Variants in AKNA observed in about 807,000 individuals in gnomAD.
AKNA encodes the protein AT-hook transcription factor.
Under a neutral mutation model 138.8 loss-of-function variants are expected in AKNA, and 67 were observed. The observed-to-expected ratio is 0.48, with a 90% CI of 0.40 to 0.59. The LOEUF is 0.59. Ranked by LOEUF, AKNA falls within the 20% of genes least tolerant of loss-of-function variation. The pLI is 0.00. For missense variants in AKNA, 1,813 were observed against 1,880.4 expected (o/e 0.96, Z 0.66); for synonymous variants, 737 against 754.4 (o/e 0.98, Z 0.38).
intron 9 of AKNA, 77 bp from the exon 10 acceptor site, chr9:114,360,139 G>A: frequency 6.3e-7 from 1 of 1,588,700 alleles, no homozygotes; most frequent in South Asian, 1.1e-5. Flanking sequence ...CTCCTGCCAG[G>A]CTCGAGCTGT....
chr9:114,362,578 C>A (rs774250233), intron 7 of AKNA, 45 bp from the exon 8 acceptor site: 8 of 1,592,394 alleles, frequency 5.0e-6, no homozygotes, highest in Non-Finnish European at 6.0e-6. Context: ...TCAGTCCCCG[C>A]GGGGCCTGTC....
At chr9:114,368,724 C>T in intron 4 of AKNA, 129 bp from the exon 5 acceptor site, 1 of 805,526 alleles carries the variant, frequency 1.2e-6, no homozygotes, top group Non-Finnish European at 1.7e-6. Flanking sequence ...CAGTGCAGCC[C>T]TTGGCTAGGC....
At chr9:114,361,035 G>T (rs1399746624) in intron 9 of AKNA, among the ~76,000 whole-genome samples, 1 of 152,034 alleles carries the variant, frequency 6.6e-6, no homozygotes, top group Non-Finnish European at 1.5e-5. Flanking sequence ...GTCCACACAT[G>T]CTTCTCCATT....
At chr9:114,348,828 G>A (rs2131834683) in intron 15 of AKNA, 1 of 455,586 alleles carries the variant, frequency 2.2e-6, no homozygotes, top group Non-Finnish European at 4.4e-6. Context: ...GCGGATGCAG[G>A]CTCCACATCT....
At chr9:114,394,634 G>C (rs1264268105), upstream of AKNA, among the ~76,000 whole-genome samples, 2 of 152,244 alleles carry the variant, frequency 1.3e-5, no homozygotes, top group Non-Finnish European at 2.9e-5. Flanking sequence ...TGCATTTGGA[G>C]GCATGGCATG....
Position 114,381,392 on chromosome 9 carries a change from A to G in AKNA, c.-59T>C. ...ATCTTCAGGAGACAGAGCTGCTGCC[A>G]GGGGCCCCAGAGTCACCGCTGGTTC... On this transcript the variant is annotated 5_prime_UTR_variant, in exon 2 of 22. Coordinates refer to ENST00000374088, the MANE Select transcript of AKNA (RefSeq NM_001317950.2). 6.8e-7 allele frequency: 1 copy of G among 1,467,828 alleles called. No individual in the cohort carries two copies. Among genetic ancestry groups the G allele is most frequent in the Non-Finnish European group, 9.0e-7 (1 of 1,113,148 alleles). The allele number at this position is 1,467,828 out of a possible 1,614,324, so 90.9% of individuals were successfully genotyped here. A position where few individuals can be genotyped will look rare whatever the true frequency, so the allele number is the denominator to read the frequency against.
Position 114,358,113 on chromosome 9 carries a change from C to T in AKNA, c.2547G>A (p.Leu849=). ...GGCCTGACATGTGCCCGTCTCTAGC[C>T]AGGGATGCCTGGAAACCTGGTGGCT... The part of the protein sequence containing the change: ...SMKPPGFQAS[L]ARDGHMSGLG... Residue 849 remains leucine (L), a synonymous_variant, in exon 12 of 22, where the codon CTG becomes CTA. Transcript: ENST00000374088. 6.2e-7 allele frequency: 1 copy of T among 1,614,202 alleles called. No individual in the cohort carries two copies. Among genetic ancestry groups the T allele is most frequent in the Non-Finnish European group, 8.5e-7 (1 of 1,180,020 alleles).
At position 114,350,856 on chromosome 9, in the gene AKNA, T is replaced by C; in HGVS notation, c.3221+3A>G. The C allele has an allele frequency of 4.5e-6, 7 of 1,545,574 alleles. No individual in the cohort carries two copies. The highest frequency in any genetic ancestry group is 6.1e-6 in the Non-Finnish European group (7 of 1,147,216). ...ATCCCCAGGATCCAAGTGTCTAACT[T>C]ACTCTCGCCCTGCCCTGGTGAGCAG... On this transcript the variant is annotated splice_donor_region_variant and intron_variant, in intron 15 of 21. Coordinates refer to ENST00000374088, the MANE Select transcript of AKNA (RefSeq NM_001317950.2).
At chr9:114,387,224 T>C (rs190957759) in intron 1 of AKNA, among the ~76,000 whole-genome samples, 2 of 152,024 alleles carry the variant, frequency 1.3e-5, no homozygotes, top group African/African-American at 4.8e-5. Flanking sequence ...TCTCAAGGGG[T>C]TCCCACCAGC....
chr9:114,361,860 C>T lies in AKNA; in HGVS notation c.1968G>A (p.Lys656=), dbSNP rs1271408238. 2 of 1,609,760 alleles carry T rather than the reference C, an allele frequency of 1.2e-6. No homozygotes were observed. Among genetic ancestry groups the T allele is most frequent in the Non-Finnish European group, 1.7e-6 (2 of 1,180,004 alleles). Residue 656 remains lysine (K), a synonymous_variant, in exon 9 of 22, where the codon AAG becomes AAA. Coordinates refer to ENST00000374088, the MANE Select transcript of AKNA (RefSeq NM_001317950.2). ...YRLGSCLEEL[K]EHIDQTQQEP... is the part of the protein sequence containing the mutation. ...CTTGCTGGGTCTGGTCTATGTGTTC[C>T]TTCAGCTCTTCCAGGCAGCTTCCCA... is the stretch of plus-strand genomic sequence containing the variant.
chr9:114,330,888 G>C, downstream of AKNA: 3 of 1,599,140 alleles, frequency 1.9e-6, no homozygotes, highest in Non-Finnish European at 2.6e-6. Flanking sequence ...CAGGCAGGAG[G>C]GTTCACCGTG....
intron 16 of AKNA, 59 bp downstream of exon 16, chr9:114,347,665 C>T: frequency 2.8e-6 from 4 of 1,452,840 alleles, no homozygotes; most frequent in Non-Finnish European, 3.6e-6. Flanking sequence ...CAGAGGCCAG[C>T]CAAGACTATC....
upstream of AKNA, chr9:114,394,449 C>T (rs755129811): frequency 6.6e-6 from 1 of 152,282 alleles, no homozygotes; most frequent in South Asian, 2.1e-4. Flanking sequence ...TCTTTGAGGC[C>T]CTTTACAGCT....
upstream of AKNA, among the ~76,000 whole-genome samples, chr9:114,391,903 C>T (rs1413029612): frequency 6.9e-6 from 1 of 145,946 alleles, no homozygotes; most frequent in East Asian, 2.0e-4. Context: ...CAAAAAAAAC[C>T]TCTTACTCCT....
chr9:114,330,892 C>T, downstream of AKNA: 6 of 1,594,964 alleles, frequency 3.8e-6, no homozygotes, highest in South Asian at 5.5e-5. Flanking sequence ...CAGGAGGGTT[C>T]ACCGTGGGAA....
At chr9:114,355,437 A>G (rs1831426588) in intron 14 of AKNA, among the ~76,000 whole-genome samples, 1 of 152,174 alleles carries the variant, frequency 6.6e-6, no homozygotes, top group Non-Finnish European at 1.5e-5. Context: ...TCGGCCTCCC[A>G]AAGTGCTGGG....
chr9:114,366,954 C>T (rs1832408060), intron 6 of AKNA, among the ~76,000 whole-genome samples: 1 of 152,146 alleles, frequency 6.6e-6, no homozygotes, highest in Admixed American at 6.5e-5. Flanking sequence ...TCTACCCTTA[C>T]TTCCTCTCTG....
In AKNA at chr9:114,368,464, C is replaced by T; in HGVS notation, c.1548G>A (p.Glu516=). 1 of 1,331,508 alleles carries T rather than the reference C, an allele frequency of 7.5e-7. No homozygotes were observed. Among genetic ancestry groups the T allele is most frequent in the Non-Finnish European group, 9.7e-7 (1 of 1,031,054 alleles). The allele number at this position is 1,331,508 out of a possible 1,614,324, so 82.5% of individuals were successfully genotyped here. Residue 516 remains glutamate, a synonymous_variant, in exon 5 of 22, where the codon GAG becomes GAA. Coordinates refer to ENST00000374088, the MANE Select transcript of AKNA (RefSeq NM_001317950.2). The stretch of plus-strand genomic sequence containing the variant: ...CTGAGGCCGCAGAGGCCTGGGGGTC[C>T]TCGGCCGGGCCCGGCCACCACTCTG... ...RSAEWWPGPA[E]DPQASAASGW...
rs1833256701 is a variant in AKNA, at chr9:114,376,856, G to A, written c.951C>T (p.Pro317=). The A allele has an allele frequency of 6.2e-7, 1 of 1,614,128 alleles. No homozygotes were observed. Residue 317 remains proline (P), a synonymous_variant, in exon 3 of 22, where the codon CCC becomes CCT. Transcript: ENST00000374088. Reference sequence around the variant, plus strand: ...GCGTTGGCCTGGGCTGGGGATTCAGGGGGCTGATGGAGCCAATGAATCGGG... The same window carrying A: ...GCGTTGGCCTGGGCTGGGGATTCAGAGGGCTGATGGAGCCAATGAATCGGG... ...LPSRFIGSIS[P]LNPQPRPTRQ... is the part of the protein sequence containing the mutation.
Sources: allele counts gnomAD v4.1 joint callset (sites outside exome capture counted in the v4.1 genomes callset), GRCh38; gene constraint gnomAD v4.1.1; transcripts MANE v1.5; gene names NCBI Gene and HGNC (gene_info 2026-07-23, HGNC 2026-07-21).